Variants in EIF3H observed in about 807,000 individuals in gnomAD.
EIF3H encodes eukaryotic translation initiation factor 3 subunit H, also known as eIF-3-gamma.
In EIF3H, 26 loss-of-function variants were observed where a neutral mutation model predicts 44.2. The ratio of observed to expected loss-of-function variants is 0.59; its 90% CI spans 0.43 to 0.82. EIF3H has a LOEUF of 0.82. Among genes scored for constraint, EIF3H ranks in the 40% least tolerant of loss-of-function variants. EIF3H has a pLI of 0.00. For missense variants in EIF3H, 359 were observed against 432.8 expected (o/e 0.83, Z 1.51); for synonymous variants, 166 against 151.9 (o/e 1.09, Z -0.68).
At chr8:116,697,102 GTCCC>G (rs1315355620) in intron 2 of EIF3H, 3 of 456,142 alleles carry the variant, frequency 6.6e-6, no homozygotes, top group Non-Finnish European at 1.3e-5. Flanking sequence ...CCACCCAGCT[GTCCC>G]TGGTGAATCT....
At chr8:116,747,916 C>T (rs1013215472) in intron 1 of EIF3H, among the ~76,000 whole-genome samples, 3 of 152,134 alleles carry the variant, frequency 2.0e-5, no homozygotes, top group Admixed American at 6.5e-5. Flanking sequence ...TCGAGACCAT[C>T]CTGACCAACA....
At chr8:116,667,487 G>T (rs1461907941) in intron 2 of EIF3H, among the ~76,000 whole-genome samples, 2 of 151,162 alleles carry the variant, frequency 1.3e-5, no homozygotes, top group African/African-American at 2.4e-5. Flanking sequence ...AAGATTAAGG[G>T]GCTAACAAAA....
At chr8:116,663,546 C>CT (rs1276833271) in intron 2 of EIF3H, among the ~76,000 whole-genome samples, 4 of 152,170 alleles carry the variant, frequency 2.6e-5, no homozygotes, top group Non-Finnish European at 5.9e-5. Context: ...AAGAGAAGGA[C>CT]TTAGTAGAAA....
intron 1 of EIF3H, among the ~76,000 whole-genome samples, chr8:116,764,189 A>C (rs946962911): frequency 2.0e-5 from 3 of 152,248 alleles, no homozygotes; most frequent in African/African-American, 7.2e-5. Context: ...AAAGCTAAAA[A>C]CTAGCAATGC....
At chr8:116,764,114 C>T (rs541507873) in intron 1 of EIF3H, among the ~76,000 whole-genome samples, 26 of 152,280 alleles carry the variant, frequency 1.7e-4, no homozygotes, top group Admixed American at 4.6e-4. Flanking sequence ...TAATCGCCTA[C>T]TTACTCCAGC....
At position 116,744,205 on chromosome 8, in the gene EIF3H, A is replaced by G. The variant is rs1405680840; in HGVS notation, c.132+11461T>C. On this transcript the variant is annotated intron_variant, in intron 1 of 7. Coordinates refer to ENST00000521861, the MANE Select transcript of EIF3H (RefSeq NM_003756.3). The stretch of plus-strand genomic sequence containing the variant: ...TGGCGACAGGGAGAGGTGGAAACAT[A>G]GAAAGTATTAAAAAAAAAAAAAACA... Among the ~76,000 whole-genome samples, 8 of 111,134 alleles carry G rather than the reference A, an allele frequency of 7.2e-5. No homozygotes were observed. In the East Asian group the frequency reaches 1.4e-3, roughly 20 times the overall value. 72.9% of individuals were successfully genotyped at this position (111,134 alleles called of 152,430 possible). A position where few individuals can be genotyped will look rare whatever the true frequency, so the allele number is the denominator to read the frequency against.
intron 2 of EIF3H, among the ~76,000 whole-genome samples, chr8:116,685,728 C>A (rs573824884): frequency 7.2e-5 from 11 of 152,190 alleles, no homozygotes; most frequent in Non-Finnish European, 1.5e-4. Flanking sequence ...AGCCTTGCTC[C>A]TCCATTTGTT....
chr8:116,672,163 C>T (rs1813769071), intron 2 of EIF3H, among the ~76,000 whole-genome samples: 2 of 152,104 alleles, frequency 1.3e-5, no homozygotes, highest in Non-Finnish European at 2.9e-5. Flanking sequence ...AAAAATCTGC[C>T]GTGAATAAAA....
chr8:116,732,628 T>TCTGCATAGAAGTCA (rs1814969578), intron 1 of EIF3H, among the ~76,000 whole-genome samples: 1 of 147,636 alleles, frequency 6.8e-6, no homozygotes. Context: ...TCACTAGGCT[T>TCTGCATAGAAGTCA]CTGTTATTTT....
At chr8:116,659,170 G>A (rs1399242150) in intron 2 of EIF3H, among the ~76,000 whole-genome samples, 190 bp from the exon 3 acceptor site, 1 of 151,978 alleles carries the variant, frequency 6.6e-6, no homozygotes. Flanking sequence ...ATCATCAGGG[G>A]TTTCCTTTTA....
At chr8:116,724,234 T>C (rs927473226) in intron 2 of EIF3H, among the ~76,000 whole-genome samples, 2 of 152,162 alleles carry the variant, frequency 1.3e-5, no homozygotes, top group African/African-American at 4.8e-5. Context: ...CAGATGGTGC[T>C]AGGAAAACTG....
rs1267357765 is a variant in EIF3H, at chr8:116,642,613, C to T, written c.*2393G>A. On this transcript the variant is annotated 3_prime_UTR_variant, in exon 8 of 8. Transcript: ENST00000521861. ...TCATTAGATTAACATGCTAGCTTTT[C>T]CTGTCTTTCTGTTCTTGGGTAAGTG... The T allele has an allele frequency of 6.6e-6, 1 of 152,064 alleles. No individual in the cohort carries two copies. Among genetic ancestry groups the T allele is most frequent in the Non-Finnish European group, 1.5e-5 (1 of 68,014 alleles). The allele number at this position is 152,064 out of a possible 1,614,324, so 9.4% of individuals were successfully genotyped here.
At chr8:116,659,559 A>C (rs963294466) in intron 2 of EIF3H, among the ~76,000 whole-genome samples, 1 of 152,152 alleles carries the variant, frequency 6.6e-6, no homozygotes, top group Non-Finnish European at 1.5e-5. Context: ...CATATGCTAA[A>C]TTTTTTAAAG....
chr8:116,645,937 T>A (rs886197381), intron 7 of EIF3H, among the ~76,000 whole-genome samples: 8 of 152,236 alleles, frequency 5.3e-5, no homozygotes, highest in African/African-American at 1.7e-4. Context: ...AATAAGGGCA[T>A]GAATGTCATA....
At position 116,678,868 on chromosome 8, in the gene EIF3H, G is replaced by A. The variant is rs1311334599; in HGVS notation, c.290-19888C>T. On this transcript the variant is annotated intron_variant, in intron 2 of 7. Transcript: ENST00000521861. ...CCCCGACCGGGAGGGAGGTGGGGGG[G>A]GGTCAGCCCCCCGCCCGGCCAGCCG... is the stretch of plus-strand genomic sequence containing the variant. 4.9e-5 allele frequency among the ~76,000 whole-genome samples: 7 copies of A among 142,878 alleles called. No homozygotes were observed. The East Asian group carries it at 8.0e-4, about 16-fold the overall frequency. 93.7% of individuals were successfully genotyped at this position (142,878 alleles called of 152,430 possible). A position where few individuals can be genotyped will look rare whatever the true frequency, so the allele number is the denominator to read the frequency against.
intron 2 of EIF3H, among the ~76,000 whole-genome samples, chr8:116,663,657 G>A (rs556384611): frequency 2.6e-5 from 4 of 152,214 alleles, no homozygotes; most frequent in African/African-American, 7.2e-5. Flanking sequence ...TCAGCTGCAC[G>A]CCGTGGCTCT....
chr8:116,734,766 G>T (rs541763774), intron 1 of EIF3H, among the ~76,000 whole-genome samples: 1 of 152,218 alleles, frequency 6.6e-6, no homozygotes, highest in East Asian at 1.9e-4. Context: ...CACCATGTTG[G>T]CCAGGCTGGT....
chr8:116,662,872 T>C (rs1344970566), intron 2 of EIF3H, among the ~76,000 whole-genome samples: 1 of 152,092 alleles, frequency 6.6e-6, no homozygotes, highest in Admixed American at 6.5e-5. Flanking sequence ...ACACAGAAAA[T>C]AAGAAATTGT....
intron 2 of EIF3H, among the ~76,000 whole-genome samples, chr8:116,701,535 T>G (rs1453895527): frequency 6.6e-6 from 1 of 152,144 alleles, no homozygotes; most frequent in Non-Finnish European, 1.5e-5. Flanking sequence ...AAGTAACTTT[T>G]CAGTGAAGAA....
Sources: allele counts gnomAD v4.1 joint callset (sites outside exome capture counted in the v4.1 genomes callset), GRCh38; gene constraint gnomAD v4.1.1; transcripts MANE v1.5; gene names NCBI Gene and HGNC (gene_info 2026-07-23, HGNC 2026-07-21).